The following DICER1 variants were observed in gnomAD, a reference collection of about 807,000 sequenced individuals.
The protein encoded by DICER1 is endoribonuclease Dicer.
Under a neutral mutation model 194.1 loss-of-function variants are expected in DICER1, and 43 were observed. That is an observed-to-expected ratio of 0.22 (90% CI 0.17 to 0.29). DICER1 has a LOEUF of 0.29. DICER1 is among the 10% of genes least tolerant of loss of function. DICER1 has a pLI of 1.00. For missense variants in DICER1, 1,608 were observed against 2,317.0 expected (o/e 0.69, Z 6.28); for synonymous variants, 832 against 820.5 (o/e 1.01, Z -0.24).
intron 1 of DICER1, among the ~76,000 whole-genome samples, chr14:95,153,890 G>A (rs1895676250): frequency 6.6e-6 from 1 of 152,178 alleles, no homozygotes; most frequent in Non-Finnish European, 1.5e-5. Context: ...GGAATACCAA[G>A]AAAATAATGC....
Position 95,137,900 on chromosome 14 carries a change from G to C in DICER1, c.-45-4397C>G, listed in dbSNP as rs1390643333. On this transcript the variant is annotated intron_variant, in intron 1 of 26. Coordinates refer to ENST00000343455, the MANE Select transcript of DICER1 (RefSeq NM_177438.3). The stretch of plus-strand genomic sequence containing the variant: ...TCTGGACAGTTCTTCCTCGGCACAA[G>C]AGAGGGAGAGAGATCGTTTCCCTGG... 8 of 154,716 alleles carry C rather than the reference G, an allele frequency of 5.2e-5. No individual in the cohort carries two copies. In the Admixed American group the frequency reaches 5.2e-4, roughly 10 times the overall value. 9.6% of individuals were successfully genotyped at this position (154,716 alleles called of 1,614,324 possible).
At position 95,115,647 on chromosome 14, in the gene DICER1, C is replaced by T. The variant is rs2140111990; in HGVS notation, c.1907+20G>A. On this transcript the variant is annotated intron_variant, in intron 11 of 26. Transcript: ENST00000343455. Reference sequence around the variant, plus strand: ...GTGCAACATTCCCAGGTTTTCCACACAAATGATATGATGCCATACCTATTG... The same window carrying T: ...GTGCAACATTCCCAGGTTTTCCACATAAATGATATGATGCCATACCTATTG... 6.2e-7 allele frequency: 1 copy of T among 1,613,894 alleles called. No individual in the cohort carries two copies. The highest frequency in any genetic ancestry group is 8.5e-7 in the Non-Finnish European group (1 of 1,179,802).
At chr14:95,117,902 A>T (rs1023311123) in intron 8 of DICER1, 148 bp from the exon 9 acceptor site, 1 of 713,138 alleles carries the variant, frequency 1.4e-6, no homozygotes. Flanking sequence ...CAACTTGCTT[A>T]AACAGAAATC....
At chr14:95,102,790 C>T (rs553933543) in intron 21 of DICER1, among the ~76,000 whole-genome samples, 65 of 152,228 alleles carry the variant, frequency 4.3e-4, no homozygotes, top group Non-Finnish European at 6.8e-4. Context: ...AGCTATCGAG[C>T]GTTAATTACT....
rs67737119 is a variant in DICER1, at chr14:95,124,733, G to A, written c.904-65C>T. On this transcript the variant is annotated intron_variant, in intron 7 of 26. Coordinates refer to ENST00000343455, the MANE Select transcript of DICER1 (RefSeq NM_177438.3). The surrounding 1 kb of genome is among the most constrained non-coding windows in gnomAD (Gnocchi z 4.5). The stretch of plus-strand genomic sequence containing the variant: ...TAATAATGTAGCATTTTCATGTGGG[G>A]TTTAACTGGGATTTCAGTTGTTCTC... 0.1 allele frequency: 139,388 copies of A among 1,333,260 alleles called. 10,336 individuals are homozygous for A. Among genetic ancestry groups the A allele is most frequent in the East Asian group, 0.42 (18,182 of 43,338 alleles). 82.6% of individuals were successfully genotyped at this position (1,333,260 alleles called of 1,614,324 possible). A position where few individuals can be genotyped will look rare whatever the true frequency, so the allele number is the denominator to read the frequency against.
At chr14:95,115,201 A>G (rs1206823684) in intron 11 of DICER1, among the ~76,000 whole-genome samples, 6 of 152,224 alleles carry the variant, frequency 3.9e-5, no homozygotes, top group Non-Finnish European at 7.3e-5. Context: ...TTATCCTGGT[A>G]TATAATCCAG....
rs201523588 is a variant in DICER1 at position 95,103,839 on chromosome 14, T to C, written c.3557A>G (p.Asn1186Ser). ...TCTGTTAGCTAAATCATAACTGCCA[T>C]TGGCGAGATTTTGATTGTAAGAAAG... ...NGLSYNQNLA[N>S]GSYDLANRDF... The change falls in exon 21 of 27, where the codon AAT becomes AGT. Residue 1186 changes from asparagine to serine, a missense_variant. Transcript: ENST00000343455. 39 of 1,614,092 alleles carry C rather than the reference T, an allele frequency of 2.4e-5. 1 individual carries two copies. The highest frequency in any genetic ancestry group is 3.1e-5 in the Non-Finnish European group (36 of 1,180,050).
chr14:95,094,084 T>C lies in DICER1; in HGVS notation c.5168A>G (p.Asp1723Gly), dbSNP rs2139814791. ...GACCCCCGGGGAGTGCTGCCGCGGG[T>C]CTTCATAAAGGTGCTTGGTTATGAG... ...DYLITKHLYE[D>G]PRQHSPGVLT... Residue 1723 changes from aspartate to glycine, a missense_variant, in exon 24 of 27, where the codon GAC becomes GGC. This residue lies in a region of DICER1 where 138 missense variants were observed against 298.3 expected (regional missense o/e 0.46). Coordinates refer to ENST00000343455, the MANE Select transcript of DICER1 (RefSeq NM_177438.3). The C allele has an allele frequency of 6.2e-7, 1 of 1,613,936 alleles. No individual in the cohort carries two copies. Among genetic ancestry groups the C allele is most frequent in the Non-Finnish European group, 8.5e-7 (1 of 1,179,960 alleles).
Position 95,103,641 on chromosome 14 carries a change from G to A in DICER1, c.3755C>T (p.Ser1252Leu), listed in dbSNP as rs2139960502. Reference protein sequence around the residue: ...YLDGNANKSTSDGSPVMAVMP... With the variant: ...YLDGNANKSTLDGSPVMAVMP... Reference sequence around the variant, plus strand: ...TACGGCCATCACAGGACTTCCATCTGAGGTAGATTTGTTAGCATTTCCATC... The same window carrying A: ...TACGGCCATCACAGGACTTCCATCTAAGGTAGATTTGTTAGCATTTCCATC... Residue 1252 changes from serine (S) to leucine (L), a missense_variant, in exon 21 of 27, where the codon TCA becomes TTA. Transcript: ENST00000343455. 1 of 1,614,218 alleles carries A rather than the reference G, an allele frequency of 6.2e-7. No individual in the cohort carries two copies. The highest frequency in any genetic ancestry group is 8.5e-7 in the Non-Finnish European group (1 of 1,180,042).
rs774024734 is a variant in DICER1, at chr14:95,130,201, A to G, written c.439-9T>C. ...CAAGTCATAATGAGAACCTAAAATA[A>G]AATCAACATCAGTAAACAAACATAG... On this transcript the variant is annotated splice_polypyrimidine_tract_variant and intron_variant, in intron 4 of 26. Transcript: ENST00000343455. 3 of 1,611,284 alleles carry G rather than the reference A, an allele frequency of 1.9e-6. No homozygotes were observed. The Admixed American group carries it at 5.0e-5, about 27-fold the overall frequency.
At position 95,129,630 on chromosome 14, in the gene DICER1, G is replaced by T; in HGVS notation, c.576C>A (p.Leu192=). ...GAGGACATGATGGACAATTTTCACA[G>T]AGCTAACATAATAAAAGATACTGAC... is the stretch of plus-strand genomic sequence containing the variant. ...LDHPYREIMK[L]CENCPSCPRI... is the part of the protein sequence containing the mutation. The change falls in exon 6 of 27, where the codon CTC becomes CTA. Residue 192 remains leucine (L), a splice_region_variant and synonymous_variant. Coordinates refer to ENST00000343455, the MANE Select transcript of DICER1 (RefSeq NM_177438.3). 1 of 1,610,726 alleles carries T rather than the reference G, an allele frequency of 6.2e-7. No individual in the cohort carries two copies. The highest frequency in any genetic ancestry group is 8.5e-7 in the Non-Finnish European group (1 of 1,179,710).
At chr14:95,135,212 A>G (rs1241669676) in intron 1 of DICER1, among the ~76,000 whole-genome samples, 1 of 151,950 alleles carries the variant, frequency 6.6e-6, no homozygotes, top group African/African-American at 2.4e-5. Flanking sequence ...TACAGACTGC[A>G]TACTGTCTAG....
chr14:95,153,436 G>A (rs1895645397), intron 1 of DICER1, among the ~76,000 whole-genome samples: 1 of 152,120 alleles, frequency 6.6e-6, no homozygotes. Flanking sequence ...TATGCCTGAG[G>A]CTTTTATCCA....
chr14:95,100,859 G>A (rs1890814968), intron 21 of DICER1, among the ~76,000 whole-genome samples: 1 of 152,154 alleles, frequency 6.6e-6, no homozygotes, highest in Non-Finnish European at 1.5e-5. Context: ...GGCAGTCCTC[G>A]TGACACACAG....
intron 1 of DICER1, among the ~76,000 whole-genome samples, chr14:95,137,355 A>AGGAAGGAAAAGGGAAGGGGGAAGG (rs1260966997): frequency 9.3e-6 from 1 of 107,750 alleles, no homozygotes; most frequent in Non-Finnish European, 1.8e-5. Context: ...GAAGGGAAAG[A>AGGAAGGAAAAGGGAAGGGGGAAGG]GGAAGGAAAA....
At chr14:95,129,178 A>C (rs1420210561) in intron 6 of DICER1, 1 of 344,630 alleles carries the variant, frequency 2.9e-6, no homozygotes, top group Non-Finnish European at 5.4e-6. Context: ...ACAGAAAAAA[A>C]ATACAAATTT....
At chr14:95,146,892 G>A (rs896582806) in intron 1 of DICER1, among the ~76,000 whole-genome samples, 1 of 151,920 alleles carries the variant, frequency 6.6e-6, no homozygotes, top group African/African-American at 2.4e-5. Flanking sequence ...AAAAACTAAA[G>A]GAAAGGAAAA....
At chr14:95,144,861 C>T (rs557586537) in intron 1 of DICER1, among the ~76,000 whole-genome samples, 1 of 152,192 alleles carries the variant, frequency 6.6e-6, no homozygotes, top group South Asian at 2.1e-4. Context: ...AAGGCATAAA[C>T]TCCCCCTTCT....
intron 9 of DICER1, among the ~76,000 whole-genome samples, chr14:95,117,413 G>T (rs549444185): frequency 2.0e-5 from 3 of 152,112 alleles, no homozygotes; most frequent in Non-Finnish European, 4.4e-5. Context: ...CACAAAATTG[G>T]TTTGCCAGAT....
Sources: gnomAD v4.1 joint callset for allele counts (sites outside exome capture counted in the v4.1 genomes callset) on GRCh38, gnomAD v4.1.1 for gene constraint, gnomAD v4.1.1 regional missense constraint, Gnocchi (gnomAD v3.1) non-coding constraint, MANE v1.5 for transcripts, NCBI Gene and HGNC (gene_info 2026-07-23, HGNC 2026-07-21) for gene names.